The following SDAD1 variants were observed in gnomAD, a reference collection of about 807,000 sequenced individuals.
SDAD1 encodes the protein protein SDA1 homolog.
Under a neutral mutation model 100.3 loss-of-function variants are expected in SDAD1, and 79 were observed. That is an observed-to-expected ratio of 0.79 (90% confidence interval 0.66 to 0.95). SDAD1 has a LOEUF of 0.95. Ranked by LOEUF, SDAD1 falls within the 40% of genes least tolerant of loss-of-function variation. The pLI, the probability that SDAD1 is intolerant of heterozygous loss-of-function variation, is 0.00. For synonymous variants in SDAD1, 267 were observed against 271.4 expected (o/e 0.98, Z 0.16); for missense variants, 790 against 810.9 (o/e 0.97, Z 0.31).
chr4:75,954,084 T>C (rs1360391467), intron 21 of SDAD1, among the ~76,000 whole-genome samples: 1 of 152,066 alleles, frequency 6.6e-6, no homozygotes, highest in Non-Finnish European at 1.5e-5. Flanking sequence ...TTTTGAAAAG[T>C]ACCCACGCCT....
chr4:75,955,647 G>C (rs1181255432), intron 21 of SDAD1, among the ~76,000 whole-genome samples: 1 of 152,222 alleles, frequency 6.6e-6, no homozygotes, highest in East Asian at 1.9e-4. Flanking sequence ...TCAAATGTCA[G>C]AGAATTTTAG....
At chr4:75,952,771 T>C (rs1435878070) in intron 21 of SDAD1, among the ~76,000 whole-genome samples, 1 of 152,204 alleles carries the variant, frequency 6.6e-6, no homozygotes. Context: ...CTAGTCCAAA[T>C]TGAGATGTGC....
intron 8 of SDAD1, among the ~76,000 whole-genome samples, chr4:75,972,876 C>A (rs1345949539): frequency 1.3e-5 from 2 of 151,934 alleles, no homozygotes; most frequent in Non-Finnish European, 2.9e-5. Flanking sequence ...AAAAAATTAG[C>A]CAGGCGTGGT....
chr4:75,982,954 C>T (rs1414353396), intron 1 of SDAD1, among the ~76,000 whole-genome samples: 1 of 151,528 alleles, frequency 6.6e-6, no homozygotes, highest in African/African-American at 2.4e-5. Flanking sequence ...TAGCCCCCCA[C>T]CCCAACAGGC....
At chr4:75,976,561 T>C (rs112333973) in intron 4 of SDAD1, among the ~76,000 whole-genome samples, 2,573 of 152,202 alleles carry the variant, frequency 0.017, 64 homozygotes, top group Middle Eastern at 0.061. Context: ...TACCTAGAGC[T>C]AAAAGGGATG....
chr4:75,959,918 G>C, intron 17 of SDAD1, 148 bp downstream of exon 17: 1 of 756,396 alleles, frequency 1.3e-6, no homozygotes, highest in Non-Finnish European at 1.9e-6. Flanking sequence ...ATGCTCAATT[G>C]ATCCCCCATA....
chr4:75,981,910 T>C, intron 2 of SDAD1, 23 bp downstream of exon 2: 1 of 1,507,902 alleles, frequency 6.6e-7, no homozygotes, highest in Middle Eastern at 2.4e-4. Context: ...TACTGGTCTT[T>C]ATTTAAGCAA....
At chr4:75,965,387 C>T (rs560611943) in intron 13 of SDAD1, among the ~76,000 whole-genome samples, 8 of 152,252 alleles carry the variant, frequency 5.3e-5, no homozygotes, top group African/African-American at 1.2e-4. Flanking sequence ...ATTTTAATTT[C>T]GCCCTGGTCC....
intron 1 of SDAD1, among the ~76,000 whole-genome samples, chr4:75,990,377 G>A (rs1411917934): frequency 2.6e-5 from 4 of 151,094 alleles, no homozygotes; most frequent in African/African-American, 9.8e-5. Flanking sequence ...AAAGGTTACC[G>A]ACTAATTCAA....
intron 1 of SDAD1, among the ~76,000 whole-genome samples, 170 bp from the exon 2 acceptor site, chr4:75,982,207 C>T (rs1024064555): frequency 3.9e-5 from 6 of 152,162 alleles, no homozygotes; most frequent in Middle Eastern, 3.2e-3. Flanking sequence ...CTTCAAAGTG[C>T]GCTTTTTAAA....
chr4:75,955,669 A>C lies in SDAD1; in HGVS notation c.2016+306T>G, dbSNP rs1728849899. ...TCAGAGAATTTTAGCATGGGAAGGA[A>C]CCTCATGGATGATCTAGCTTGCATT... is the stretch of plus-strand genomic sequence containing the variant. On this transcript the variant is annotated intron_variant, in intron 21 of 21. Coordinates refer to ENST00000356260, the MANE Select transcript of SDAD1 (RefSeq NM_018115.4). Among the ~76,000 whole-genome samples the C allele has an allele frequency of 2.6e-5, 4 of 152,308 alleles. No individual in the cohort carries two copies. The South Asian group carries it at 8.3e-4, about 32-fold the overall frequency.
chr4:75,957,979 G>T, intron 17 of SDAD1, 38 bp from the exon 18 acceptor site: 3 of 1,513,360 alleles, frequency 2.0e-6, no homozygotes, highest in South Asian at 1.1e-5. Flanking sequence ...GCCATTTTAT[G>T]TTGCACATTC....
At chr4:75,969,136 T>C (rs1729721663) in intron 11 of SDAD1, among the ~76,000 whole-genome samples, 160 bp downstream of exon 11, 1 of 151,552 alleles carries the variant, frequency 6.6e-6, no homozygotes, top group Admixed American at 6.6e-5. Flanking sequence ...AATGAAGTGA[T>C]AAAAATAGTT....
rs752537350 is a variant in SDAD1, at chr4:75,971,472, T to C, written c.712-14A>G. ...TGGTCCATCATCCTAAAGAAGAAAT[T>C]ACTTTGTAAAATTGTAAACAAGGAA... is the stretch of plus-strand genomic sequence containing the variant. On this transcript the variant is annotated splice_polypyrimidine_tract_variant and intron_variant, in intron 8 of 21. Transcript: ENST00000356260. 1.3e-5 allele frequency: 20 copies of C among 1,579,660 alleles called. No individual in the cohort carries two copies. The South Asian group carries it at 1.9e-4, about 15-fold the overall frequency.
At chr4:75,988,129 T>C (rs566444583) in intron 1 of SDAD1, among the ~76,000 whole-genome samples, 6 of 152,200 alleles carry the variant, frequency 3.9e-5, no homozygotes, top group East Asian at 1.9e-4. Flanking sequence ...ATAATTCCAA[T>C]AGCTTCTTAT....
intron 21 of SDAD1, among the ~76,000 whole-genome samples, chr4:75,954,381 CAA>C (rs756922724): frequency 1.5e-4 from 17 of 110,786 alleles, no homozygotes; most frequent in Non-Finnish European, 1.6e-4. Flanking sequence ...GACTCTGTCT[CAA>C]AAAAAAAAAA....
chr4:75,979,282 T>C (rs1201184900), intron 3 of SDAD1, among the ~76,000 whole-genome samples: 1 of 152,004 alleles, frequency 6.6e-6, no homozygotes. Context: ...TTGGGAATGA[T>C]TCAAAAAGTC....
At chr4:75,981,306 T>C in intron 3 of SDAD1, 66 bp downstream of exon 3, 1 of 1,422,870 alleles carries the variant, frequency 7.0e-7, no homozygotes. Context: ...CTGTTCTCAT[T>C]TAAATATATA....
chr4:75,976,044 T>C lies in SDAD1; in HGVS notation c.406-49A>G, dbSNP rs1051208461. The C allele has an allele frequency of 2.5e-6, 3 of 1,184,016 alleles. No individual in the cohort carries two copies. The Admixed American group carries it at 5.7e-5, about 22-fold the overall frequency. 73.3% of individuals were successfully genotyped at this position (1,184,016 alleles called of 1,614,324 possible). On this transcript the variant is annotated intron_variant, in intron 4 of 21. Transcript: ENST00000356260. Reference sequence around the variant, plus strand: ...ATACATTAAACCTAACCAACATTTTTAACCTTGCTAAATTTGGAGAACAGT... The same window carrying C: ...ATACATTAAACCTAACCAACATTTTCAACCTTGCTAAATTTGGAGAACAGT...
Sources: allele counts gnomAD v4.1 joint callset (sites outside exome capture counted in the v4.1 genomes callset), GRCh38; gene constraint gnomAD v4.1.1; transcripts MANE v1.5; gene names NCBI Gene and HGNC (gene_info 2026-07-23, HGNC 2026-07-21).